The following SPCS2 variants were observed in gnomAD, a reference collection of about 807,000 sequenced individuals.
SPCS2 encodes the protein signal peptidase complex subunit 2.
SPCS2 carries 3 observed loss-of-function variants against 22.3 expected under a neutral mutation model. That is an observed-to-expected ratio of 0.13 (90% CI 0.06 to 0.35). SPCS2 has a LOEUF of 0.35. Among genes scored for constraint, SPCS2 ranks in the 10% least tolerant of loss-of-function variants. The pLI is 1.00. For missense variants in SPCS2, 169 were observed against 280.9 expected, an observed-to-expected ratio of 0.60 and a Z score of 2.85; for synonymous variants, 67 against 97.2, an observed-to-expected ratio of 0.69 and a Z score of 1.83.
chr11:74,974,104 T>C (rs2140221784), intron 4 of SPCS2, among the ~76,000 whole-genome samples: 1 of 120,972 alleles, frequency 8.3e-6, no homozygotes, highest in South Asian at 3.0e-4. Flanking sequence ...ACCCTTACTT[T>C]GTAATACTTT....
At chr11:74,972,429 T>C (rs146608248) in intron 4 of SPCS2, among the ~76,000 whole-genome samples, 1 of 152,330 alleles carries the variant, frequency 6.6e-6, no homozygotes, top group African/African-American at 2.4e-5. Flanking sequence ...GCTATAATTA[T>C]TTAATATCTG....
chr11:74,958,620 A>G (rs1948492940), intron 1 of SPCS2, among the ~76,000 whole-genome samples: 1 of 152,172 alleles, frequency 6.6e-6, no homozygotes, highest in African/African-American at 2.4e-5. Context: ...CACATATACA[A>G]ATGGGTATTT....
chr11:74,959,387 A>G (rs1948498730), intron 1 of SPCS2, among the ~76,000 whole-genome samples: 1 of 152,204 alleles, frequency 6.6e-6, no homozygotes, highest in African/African-American at 2.4e-5. Context: ...CCTAATGACC[A>G]AGGATTTTGT....
Position 74,949,327 on chromosome 11 carries a change from C to T in SPCS2, c.42C>T (p.Ser14=), listed in dbSNP as rs1410503912. 12 of 1,550,514 alleles carry T rather than the reference C, an allele frequency of 7.7e-6. No individual in the cohort carries two copies. The Admixed American group carries it at 1.2e-4, about 15-fold the overall frequency. The change falls in exon 1 of 5, where the codon AGC becomes AGT. Residue 14 remains serine, a synonymous_variant. Coordinates refer to ENST00000263672, the MANE Select transcript of SPCS2 (RefSeq NM_014752.3). ...AAVQGGRSGG[S]GGCSGAGGAS... ...TACAGGGCGGGAGAAGCGGTGGTAG[C>T]GGAGGCTGTAGTGGGGCTGGTGGTG...
chr11:74,955,665 G>A (rs980094788), intron 1 of SPCS2, among the ~76,000 whole-genome samples: 2 of 151,308 alleles, frequency 1.3e-5, no homozygotes, highest in African/African-American at 4.9e-5. Flanking sequence ...CACTGAATTG[G>A]CATTATTTTT....
intron 1 of SPCS2, among the ~76,000 whole-genome samples, chr11:74,952,691 G>A (rs889400164): frequency 6.6e-6 from 1 of 152,158 alleles, no homozygotes; most frequent in South Asian, 2.1e-4. Context: ...AAAATAGAAT[G>A]ACAAGGTGAT....
In SPCS2 at chr11:74,977,493, C is replaced by G. The variant is rs1389913131; in HGVS notation, c.*450C>G. The G allele has an allele frequency of 1.3e-5, 2 of 151,946 alleles. No homozygotes were observed. The highest frequency in any genetic ancestry group is 2.9e-5 in the Non-Finnish European group (2 of 67,972). The allele number at this position is 151,946 out of a possible 1,614,324, so 9.4% of individuals were successfully genotyped here. ...TCTTGTGTATGACAGCTTTCCTTCA[C>G]ACACTATTTTTGTGGGTGTGTATAT... On this transcript the variant is annotated 3_prime_UTR_variant, in exon 5 of 5. Coordinates refer to ENST00000263672, the MANE Select transcript of SPCS2 (RefSeq NM_014752.3).
rs1166476981 is a variant in SPCS2, at chr11:74,978,015, A to G, written c.*972A>G. On this transcript the variant is annotated 3_prime_UTR_variant, in exon 5 of 5. Coordinates refer to ENST00000263672, the MANE Select transcript of SPCS2 (RefSeq NM_014752.3). ...TTATCCCCATTTTACACATGAGGAAACTGAGATACAAAAGTTAAATAATTG... is the reference window on the plus strand; with the variant it reads ...TTATCCCCATTTTACACATGAGGAAGCTGAGATACAAAAGTTAAATAATTG... The G allele has an allele frequency of 6.6e-6, 1 of 152,238 alleles. No individual in the cohort carries two copies. The highest frequency in any genetic ancestry group is 1.9e-4 in the East Asian group (1 of 5,204). 9.4% of individuals were successfully genotyped at this position (152,238 alleles called of 1,614,324 possible).
At position 74,949,505 on chromosome 11, in the gene SPCS2, G is replaced by C. The variant is rs1385983513; in HGVS notation, c.114+106G>C. On this transcript the variant is annotated intron_variant, in intron 1 of 4. Transcript: ENST00000263672. ...CTTATTTTCTACGGCCTTTTGAGGG[G>C]AGCCCTTGTGTGACCACTATCACAA... The C allele has an allele frequency of 1.4e-5, 14 of 1,016,924 alleles. No homozygotes were observed. The East Asian group carries it at 3.7e-4, about 27-fold the overall frequency. The allele number at this position is 1,016,924 out of a possible 1,614,324, so 63.0% of individuals were successfully genotyped here. A position where few individuals can be genotyped will look rare whatever the true frequency, so the allele number is the denominator to read the frequency against.
intron 4 of SPCS2, among the ~76,000 whole-genome samples, chr11:74,975,803 T>A (rs191217785): frequency 1.3e-5 from 2 of 152,308 alleles, no homozygotes. Flanking sequence ...CAGGTGGAAG[T>A]TCTCCCATTT....
intron 4 of SPCS2, among the ~76,000 whole-genome samples, chr11:74,972,986 C>G (rs978894326): frequency 2.0e-5 from 3 of 151,882 alleles, no homozygotes; most frequent in Non-Finnish European, 4.4e-5. Context: ...CCAAACATCG[C>G]ATATTCTCAC....
intron 1 of SPCS2, among the ~76,000 whole-genome samples, chr11:74,951,791 CAA>C (rs1468969635): frequency 1.1e-5 from 1 of 94,222 alleles, no homozygotes; most frequent in Admixed American, 1.4e-4. Flanking sequence ...GCCTGGGCAA[CAA>C]GAGGGAAACT....
chr11:74,953,938 G>C lies in SPCS2; in HGVS notation c.114+4539G>C, dbSNP rs543894735. On this transcript the variant is annotated intron_variant, in intron 1 of 4. Coordinates refer to ENST00000263672, the MANE Select transcript of SPCS2 (RefSeq NM_014752.3). The stretch of plus-strand genomic sequence containing the variant: ...TACCTGGATTTCTGTCTCCTGGCTG[G>C]CCTGTCAGCCTGATCTTAAAGCACA... Among the ~76,000 whole-genome samples, 136 of 152,272 alleles carry C rather than the reference G, an allele frequency of 8.9e-4. No individual in the cohort carries two copies. In the South Asian group the frequency reaches 0.027, roughly 30 times the overall value.
chr11:74,951,884 T>A (rs925325000), intron 1 of SPCS2, among the ~76,000 whole-genome samples: 2 of 151,100 alleles, frequency 1.3e-5, no homozygotes, highest in Non-Finnish European at 2.9e-5. Context: ...GGCACCTTAT[T>A]TGGGGGGAGA....
chr11:74,968,915 T>G (rs1380095776), intron 3 of SPCS2, among the ~76,000 whole-genome samples: 1 of 152,122 alleles, frequency 6.6e-6, no homozygotes, highest in African/African-American at 2.4e-5. Context: ...GCAATCCACC[T>G]GCCTCGGCCT....
intron 1 of SPCS2, among the ~76,000 whole-genome samples, chr11:74,958,510 G>C (rs773868473): frequency 1.2e-4 from 19 of 152,058 alleles, no homozygotes; most frequent in Non-Finnish European, 2.5e-4. Flanking sequence ...ATGTGTGTGT[G>C]GGGGGGATAT....
chr11:74,975,487 T>C (rs75952117), intron 4 of SPCS2, among the ~76,000 whole-genome samples: 3,177 of 152,254 alleles, frequency 0.021, 128 homozygotes, highest in African/African-American at 0.072. Context: ...GCTCAGTAAA[T>C]ATCTGAATTA....
chr11:74,955,851 A>AATATACATATATATAT (rs1555115679), intron 1 of SPCS2, among the ~76,000 whole-genome samples: 17 of 55,594 alleles, frequency 3.1e-4, no homozygotes, highest in African/African-American at 7.9e-4. Flanking sequence ...TACTAATTAA[A>AATATACATATATATAT]ATATATATAT....
chr11:74,960,601 G>T lies in SPCS2; in HGVS notation c.115-4433G>T, dbSNP rs192393076. On this transcript the variant is annotated intron_variant, in intron 1 of 4. Transcript: ENST00000263672. ...CACTTCAGGGATCTCTTTGTTTCCT[G>T]TTCTTTGTGTTTTTGATGGCTAATA... Among the ~76,000 whole-genome samples, 688 of 117,594 alleles carry T rather than the reference G, an allele frequency of 5.9e-3. 10 individuals are homozygous for T. Among genetic ancestry groups the T allele is most frequent in the East Asian group, 0.057 (281 of 4,908 alleles). 77.1% of individuals were successfully genotyped at this position (117,594 alleles called of 152,430 possible). A position where few individuals can be genotyped will look rare whatever the true frequency, so the allele number is the denominator to read the frequency against.
Sources: allele counts gnomAD v4.1 joint callset (sites outside exome capture counted in the v4.1 genomes callset), GRCh38; gene constraint gnomAD v4.1.1; transcripts MANE v1.5; gene names NCBI Gene and HGNC (gene_info 2026-07-23, HGNC 2026-07-21).